The following TRAK1 variants were observed in gnomAD, a reference collection of about 807,000 sequenced individuals.
TRAK1 encodes the protein trafficking kinesin-binding protein 1.
In TRAK1, 33 loss-of-function variants were observed where a neutral mutation model predicts 92.1. The ratio of observed to expected loss-of-function variants is 0.36; its 90% CI spans 0.27 to 0.48. TRAK1 has a LOEUF of 0.48. Ranked by LOEUF, TRAK1 falls within the 20% of genes least tolerant of loss-of-function variation. TRAK1 has a pLI of 0.99. For synonymous variants in TRAK1, 521 were observed against 517.3 expected, an observed-to-expected ratio of 1.01 and a Z score of -0.10; for missense variants, 1,123 against 1,257.9, an observed-to-expected ratio of 0.89 and a Z score of 1.62.
upstream of TRAK1, among the ~76,000 whole-genome samples, chr3:42,087,695 CA>C (rs1704747933): frequency 6.6e-6 from 1 of 152,250 alleles, no homozygotes; most frequent in African/African-American, 2.4e-5. Flanking sequence ...ACCTGAGCAG[CA>C]AGCATGGCCC....
chr3:42,114,309 C>T (rs572964492), intron 1 of TRAK1, among the ~76,000 whole-genome samples: 1 of 152,334 alleles, frequency 6.6e-6, no homozygotes, highest in East Asian at 1.9e-4. Flanking sequence ...ACTTTCACTT[C>T]TTTTGAAATA....
intron 1 of TRAK1, among the ~76,000 whole-genome samples, chr3:42,020,847 G>T (rs794890): frequency 0.71 from 107,699 of 151,952 alleles, 41,151 homozygotes; most frequent in Non-Finnish European, 0.84. Context: ...ACTTCCAGTT[G>T]GGGAGTTTGG....
chr3:42,174,057 A>G (rs1243315499), intron 2 of TRAK1, among the ~76,000 whole-genome samples: 5 of 152,154 alleles, frequency 3.3e-5, no homozygotes, highest in African/African-American at 9.7e-5. Flanking sequence ...GAGGGTTATG[A>G]ATGGTGCCTG....
intron 11 of TRAK1, among the ~76,000 whole-genome samples, chr3:42,199,683 C>G (rs896304908): frequency 3.3e-5 from 5 of 152,210 alleles, no homozygotes; most frequent in Non-Finnish European, 5.9e-5. Flanking sequence ...ATCTCAAACT[C>G]CTGGCTTCAA....
At chr3:42,157,459 A>G (rs917027954) in intron 2 of TRAK1, among the ~76,000 whole-genome samples, 1 of 103,218 alleles carries the variant, frequency 9.7e-6, no homozygotes, top group Non-Finnish European at 2.2e-5. Flanking sequence ...CCCTGTCTCA[A>G]AAAAAAAAAA....
chr3:42,094,879 A>G (rs1231111350), intron 1 of TRAK1, among the ~76,000 whole-genome samples: 1 of 152,212 alleles, frequency 6.6e-6, no homozygotes, highest in Non-Finnish European at 1.5e-5. Context: ...GTTGCAGTCC[A>G]AAGGCTTGAC....
At chr3:42,034,904 T>C (rs1702270286) in intron 1 of TRAK1, among the ~76,000 whole-genome samples, 1 of 152,024 alleles carries the variant, frequency 6.6e-6, no homozygotes, top group Non-Finnish European at 1.5e-5. Context: ...TCTCTGTCTC[T>C]TCAGCCTCAT....
chr3:42,013,517 G>A (rs537181958), upstream of TRAK1, among the ~76,000 whole-genome samples: 2 of 151,040 alleles, frequency 1.3e-5, no homozygotes, highest in Admixed American at 1.3e-4. The surrounding 1 kb of genome is among the most constrained non-coding windows in gnomAD (Gnocchi z 5.1). Context: ...CTAGGACGTG[G>A]CCGGCGGGCA....
At position 42,093,711 on chromosome 3, in the gene TRAK1, C is replaced by CTTT. The variant is rs565712104; in HGVS notation, c.91+2160_91+2162dup. ...CCTCCCCTCCCCTCCCCTCCCCTTC[C>CTTT]TTTTTTTTTTTACAGAGTCTCACTT... On this transcript the variant is annotated intron_variant, in intron 1 of 15. Transcript: ENST00000327628. 1.5e-3 allele frequency among the ~76,000 whole-genome samples: 74 copies of CTTT among 48,250 alleles called. 6 individuals carry two copies. The East Asian group carries it at 0.051, about 33-fold the overall frequency. 31.7% of individuals were successfully genotyped at this position (48,250 alleles called of 152,430 possible). A position where few individuals can be genotyped will look rare whatever the true frequency, so the allele number is the denominator to read the frequency against.
chr3:42,086,311 C>CT (rs750932535), upstream of TRAK1, among the ~76,000 whole-genome samples: 564 of 140,430 alleles, frequency 4.0e-3, 1 homozygote, highest in Non-Finnish European at 5.1e-3. Flanking sequence ...CTTTTTCTTT[C>CT]TTTTTTTTTT....
intron 3 of TRAK1, among the ~76,000 whole-genome samples, chr3:42,178,680 A>G (rs1340761983): frequency 2.0e-5 from 3 of 152,258 alleles, no homozygotes; most frequent in African/African-American, 7.2e-5. Context: ...CTGAGGCTCA[A>G]ACAGTCCTCC....
intron 1 of TRAK1, among the ~76,000 whole-genome samples, chr3:42,065,826 C>A (rs905448051): frequency 2.6e-5 from 4 of 151,866 alleles, no homozygotes; most frequent in Admixed American, 2.6e-4. Context: ...AATGGTGTTC[C>A]ACTATGTTTC....
intron 1 of TRAK1, among the ~76,000 whole-genome samples, chr3:42,016,580 A>G (rs939302358): frequency 6.6e-6 from 1 of 152,178 alleles, no homozygotes; most frequent in African/African-American, 2.4e-5. Flanking sequence ...TGATTCTTGA[A>G]TTAACCATCT....
chr3:42,139,887 C>T (rs1559822131), intron 2 of TRAK1, among the ~76,000 whole-genome samples: 2 of 152,066 alleles, frequency 1.3e-5, no homozygotes, highest in Admixed American at 6.5e-5. Flanking sequence ...AATACGGGGC[C>T]GTTTGAGCTT....
chr3:42,162,262 G>A (rs1167660250), intron 2 of TRAK1, among the ~76,000 whole-genome samples: 3 of 151,816 alleles, frequency 2.0e-5, no homozygotes, highest in Admixed American at 1.3e-4. Context: ...TGTATATAAT[G>A]TATATAAATA....
At chr3:42,066,348 G>T (rs913922430) in intron 1 of TRAK1, among the ~76,000 whole-genome samples, 20 of 152,132 alleles carry the variant, frequency 1.3e-4, no homozygotes, top group Admixed American at 1.0e-3. Context: ...AGTTTTAGTT[G>T]TGAAGGGGAA....
chr3:42,111,152 T>C (rs1708343356), intron 1 of TRAK1, among the ~76,000 whole-genome samples: 2 of 152,022 alleles, frequency 1.3e-5, no homozygotes, highest in Admixed American at 1.3e-4. Flanking sequence ...AGACAGAAGG[T>C]CCAGAAGGAG....
intron 2 of TRAK1, among the ~76,000 whole-genome samples, chr3:42,162,643 G>C (rs992916733): frequency 1.3e-5 from 2 of 152,206 alleles, no homozygotes; most frequent in Non-Finnish European, 2.9e-5. Flanking sequence ...TTGAGCAGTA[G>C]GGAGAAAGTT....
rs1178232798 is a variant in TRAK1 at position 42,070,338 on chromosome 3, CATG to C, written c.-518-16763_-518-16761del. The stretch of plus-strand genomic sequence containing the variant: ...AATTAATTGCCAGTTTGACAGATAA[CATG>C]ATAGTATCTCATACTTGTTTTATTT... On this transcript the variant is annotated intron_variant, in intron 1 of 16. Coordinates refer to the TRAK1 transcript ENST00000487159. Among the ~76,000 whole-genome samples, 6 of 150,228 alleles carry C rather than the reference CATG, an allele frequency of 4.0e-5. No individual in the cohort carries two copies. In the South Asian group the frequency reaches 6.3e-4, roughly 16 times the overall value.
Sources: allele counts gnomAD v4.1 joint callset (sites outside exome capture counted in the v4.1 genomes callset), GRCh38; gene constraint gnomAD v4.1.1; non-coding constraint Gnocchi (gnomAD v3.1); transcripts MANE v1.5; gene names NCBI Gene and HGNC (gene_info 2026-07-23, HGNC 2026-07-21).